TBC1D19: variants seen among roughly 807,000 people sequenced by gnomAD.
TBC1D19 encodes TBC1 domain family, member 19.
Under a neutral mutation model 89.0 loss-of-function variants are expected in TBC1D19, and 60 were observed. The ratio of observed to expected loss-of-function variants is 0.67; its 90% CI spans 0.55 to 0.84. TBC1D19 has a LOEUF of 0.84. TBC1D19 is among the 40% of genes least tolerant of loss of function. TBC1D19 has a pLI of 0.00. For missense variants in TBC1D19, 500 were observed against 610.8 expected, an observed-to-expected ratio of 0.82 and a Z score of 1.91; for synonymous variants, 189 against 199.7, an observed-to-expected ratio of 0.95 and a Z score of 0.45.
chr4:26,698,956 A>G (rs1450714894), intron 13 of TBC1D19, among the ~76,000 whole-genome samples: 1 of 152,262 alleles, frequency 6.6e-6, no homozygotes, highest in Non-Finnish European at 1.5e-5. Flanking sequence ...GGCATGGGCA[A>G]GGACTTCATG....
At chr4:26,645,884 GA>G (rs1743889909) in intron 7 of TBC1D19, among the ~76,000 whole-genome samples, 1 of 152,046 alleles carries the variant, frequency 6.6e-6, no homozygotes, top group Non-Finnish European at 1.5e-5. Context: ...AGCACTTTGG[GA>G]GGCCGAGGCG....
chr4:26,677,018 A>G (rs563995344), intron 11 of TBC1D19, among the ~76,000 whole-genome samples: 259 of 152,218 alleles, frequency 1.7e-3, no homozygotes, highest in African/African-American at 6.1e-3. Flanking sequence ...TGCTTAGTGA[A>G]CCTAAGCACT....
intron 18 of TBC1D19, among the ~76,000 whole-genome samples, chr4:26,744,535 T>A (rs543954351): frequency 1.3e-4 from 19 of 151,978 alleles, no homozygotes; most frequent in Non-Finnish European, 2.4e-4. Flanking sequence ...TCCCTCAAAT[T>A]ACTTATTTAC....
intron 7 of TBC1D19, among the ~76,000 whole-genome samples, chr4:26,646,559 A>C (rs1743972764): frequency 6.6e-6 from 1 of 152,192 alleles, no homozygotes; most frequent in African/African-American, 2.4e-5. Context: ...CTTGGAACCA[A>C]CCTAAATGTC....
intron 15 of TBC1D19, among the ~76,000 whole-genome samples, chr4:26,728,848 C>T (rs956883377): frequency 4.6e-5 from 7 of 151,970 alleles, no homozygotes; most frequent in Non-Finnish European, 7.4e-5. Flanking sequence ...CCCGTCTCTA[C>T]TAAAAATACA....
chr4:26,613,650 ACT>A (rs1304889641), intron 2 of TBC1D19, among the ~76,000 whole-genome samples: 1 of 152,062 alleles, frequency 6.6e-6, no homozygotes, highest in East Asian at 1.9e-4. Context: ...AAATTCAAGA[ACT>A]CTGTGAGAAA....
chr4:26,615,784 A>G lies in TBC1D19; in HGVS notation c.218+1331A>G, dbSNP rs577784166. On this transcript the variant is annotated intron_variant, in intron 3 of 20. Transcript: ENST00000264866. ...TGACCATACCTTTAGCAGTACTGTG[A>G]CAGTACCTTTGGCAGTCACCAAAGG... is the stretch of plus-strand genomic sequence containing the variant. Among the ~76,000 whole-genome samples, 3 of 152,242 alleles carry G rather than the reference A, an allele frequency of 2.0e-5. No individual in the cohort carries two copies. The East Asian group carries it at 5.8e-4, about 29-fold the overall frequency.
intron 3 of TBC1D19, among the ~76,000 whole-genome samples, chr4:26,618,515 G>A (rs1215594887): frequency 6.6e-6 from 1 of 152,276 alleles, no homozygotes; most frequent in South Asian, 2.1e-4. Flanking sequence ...GGCTAAGGAC[G>A]ATTCTAGATT....
At chr4:26,720,175 C>CTT (rs1716886339) in intron 15 of TBC1D19, 50 bp downstream of exon 15, 1 of 1,380,866 alleles carries the variant, frequency 7.2e-7, no homozygotes. Context: ...AAAATTACAA[C>CTT]TTTTATAATC....
intron 16 of TBC1D19, among the ~76,000 whole-genome samples, chr4:26,738,381 T>G (rs1473237044): frequency 2.6e-5 from 4 of 151,602 alleles, no homozygotes; most frequent in Non-Finnish European, 5.9e-5. Context: ...ATATGCATCA[T>G]TTTTTAAAAA....
chr4:26,766,316 C>G, the TBC1D19 span, among the ~76,000 whole-genome samples: 14 of 152,176 alleles, frequency 9.2e-5, no homozygotes, highest in African/African-American at 2.9e-4. Context: ...TGTAATGGAG[C>G]ACTGTATGAG....
intron 17 of TBC1D19, among the ~76,000 whole-genome samples, 186 bp from the exon 18 acceptor site, chr4:26,742,322 G>A (rs1718420153): frequency 6.6e-6 from 1 of 152,008 alleles, no homozygotes; most frequent in East Asian, 1.9e-4. Flanking sequence ...TATATAAAGA[G>A]GATAAAGTTT....
chr4:26,722,610 CT>C (rs1296191291), intron 15 of TBC1D19, among the ~76,000 whole-genome samples: 4 of 152,070 alleles, frequency 2.6e-5, no homozygotes, highest in Non-Finnish European at 5.9e-5. Context: ...ACACTGTGCC[CT>C]TTAAGAAGGT....
the TBC1D19 span, among the ~76,000 whole-genome samples, chr4:26,856,082 C>T: frequency 0.036 from 5,546 of 152,276 alleles, 141 homozygotes; most frequent in South Asian, 0.08. Flanking sequence ...TCCAGTCTAA[C>T]AGTAACCTTA....
chr4:26,767,085 G>A, the TBC1D19 span, among the ~76,000 whole-genome samples: 5 of 152,070 alleles, frequency 3.3e-5, no homozygotes, highest in Non-Finnish European at 7.4e-5. Context: ...CAGGAGGGTT[G>A]CTTGAGCCCA....
chr4:26,753,986 G>A, intron 20 of TBC1D19, 96 bp downstream of exon 20: 1 of 1,339,772 alleles, frequency 7.5e-7, no homozygotes, highest in South Asian at 1.2e-5. Context: ...CGCGTTACTT[G>A]TAGCCAGGTT....
chr4:26,786,746 T>C, the TBC1D19 span, among the ~76,000 whole-genome samples: 1 of 98,136 alleles, frequency 1.0e-5, no homozygotes, highest in Non-Finnish European at 2.0e-5. Flanking sequence ...GGTGGGTGGG[T>C]GGATGCCTGG....
chr4:26,685,055 C>T (rs1713690362), intron 12 of TBC1D19, among the ~76,000 whole-genome samples: 1 of 152,172 alleles, frequency 6.6e-6, no homozygotes, highest in Admixed American at 6.5e-5. Context: ...AATCAGAGTA[C>T]TAACAAAAGC....
intron 16 of TBC1D19, among the ~76,000 whole-genome samples, chr4:26,736,865 C>A (rs1718082527): frequency 6.6e-6 from 1 of 152,122 alleles, no homozygotes; most frequent in Non-Finnish European, 1.5e-5. Context: ...TCTGAGGCCT[C>A]ATGTGTCATT....
Sources: allele counts gnomAD v4.1 joint callset (sites outside exome capture counted in the v4.1 genomes callset), GRCh38; gene constraint gnomAD v4.1.1; transcripts MANE v1.5; gene names NCBI Gene and HGNC (gene_info 2026-07-23, HGNC 2026-07-21).